Variants in LNPEP observed in about 807,000 individuals in gnomAD.
LNPEP encodes the protein leucyl and cystinyl aminopeptidase.
LNPEP carries 64 observed loss-of-function variants against 120.6 expected under a neutral mutation model. The observed-to-expected ratio is 0.53, with a 90% CI of 0.43 to 0.65. The LOEUF (loss-of-function observed/expected upper bound fraction) is 0.65. Among genes scored for constraint, LNPEP ranks in the 30% least tolerant of loss-of-function variants. LNPEP has a pLI of 0.00. For synonymous variants in LNPEP, 435 were observed against 425.4 expected (o/e 1.02, Z -0.28); for missense variants, 1,057 against 1,200.0 (o/e 0.88, Z 1.76).
rs1271288176 is a variant in LNPEP at position 96,979,860 on chromosome 5, C to G, written c.742C>G (p.Pro248Ala). 6.2e-7 allele frequency: 1 copy of G among 1,613,832 alleles called. No homozygotes were observed. The highest frequency in any genetic ancestry group is 8.5e-7 in the Non-Finnish European group (1 of 1,179,934). The change falls in exon 2 of 18, where the codon CCC becomes GCC. Residue 248 changes from proline (P) to alanine (A), a missense_variant. By Grantham distance (27) the Pro-to-Ala change is conservative (BLOSUM62 -1). Transcript: ENST00000231368. ...AYHGQIAIVA[P>A]EALLAGHNYT... ...TCATGGACAGATCGCCATTGTTGCC[C>G]CCGAAGCCCTTCTAGCAGGGCACAA... is the stretch of plus-strand genomic sequence containing the variant.
Position 97,033,743 on chromosome 5 carries a change from G to C in LNPEP, c.*5210G>C, listed in dbSNP as rs1374793099. ...ATTAGCTTCAGGGATTCTTTGGTGG[G>C]TGTTGGGGTATATACTTTTGTATAT... is the stretch of plus-strand genomic sequence containing the variant. On this transcript the variant is annotated 3_prime_UTR_variant, in exon 18 of 18. Transcript: ENST00000231368. 1 of 152,042 alleles carries C rather than the reference G, an allele frequency of 6.6e-6. No individual in the cohort carries two copies. The highest frequency in any genetic ancestry group is 1.5e-5 in the Non-Finnish European group (1 of 68,006). 9.4% of individuals were successfully genotyped at this position (152,042 alleles called of 1,614,324 possible).
rs11953730 is a variant in LNPEP at position 96,974,289 on chromosome 5, C to T, written c.20-4849C>T. On this transcript the variant is annotated intron_variant, in intron 1 of 17. Coordinates refer to ENST00000231368, the MANE Select transcript of LNPEP (RefSeq NM_005575.3). ...CTCTGGGCAGATGTCTTTGCTTGCA[C>T]TTGTCACAGAGAACATGAAGGCTCT... is the stretch of plus-strand genomic sequence containing the variant. Among the ~76,000 whole-genome samples, 785 of 152,200 alleles carry T rather than the reference C, an allele frequency of 5.2e-3. 6 individuals are homozygous for T. The highest frequency in any genetic ancestry group is 0.018 in the African/African-American group (758 of 41,504).
At position 96,984,347 on chromosome 5, in the gene LNPEP, C is replaced by T. The variant is rs186946294; in HGVS notation, c.861-733C>T. 2.2e-3 allele frequency among the ~76,000 whole-genome samples: 341 copies of T among 152,202 alleles called. 1 individual carries two copies. The highest frequency in any genetic ancestry group is 7.8e-3 in the African/African-American group (326 of 41,536). On this transcript the variant is annotated intron_variant, in intron 2 of 17. Transcript: ENST00000231368. ...CTTCTTTTAATCCATAACTAAGGTC[C>T]GAGTCTTGAAGACCTTCCTCTTGAG...
chr5:96,983,498 T>C (rs1442521178), intron 2 of LNPEP, among the ~76,000 whole-genome samples: 1 of 152,168 alleles, frequency 6.6e-6, no homozygotes, highest in African/African-American at 2.4e-5. Context: ...CAGGTTGGAG[T>C]GCAGTGGTGC....
intron 2 of LNPEP, among the ~76,000 whole-genome samples, chr5:96,984,522 A>G (rs887923290): frequency 1.3e-5 from 2 of 152,150 alleles, no homozygotes; most frequent in African/African-American, 4.8e-5. Flanking sequence ...AGACCCTCCA[A>G]TAAAACTTAT....
rs536479825 is a variant in LNPEP, at chr5:96,954,665, T to C, written c.19+18491T>C. On this transcript the variant is annotated intron_variant, in intron 1 of 17. Coordinates refer to ENST00000231368, the MANE Select transcript of LNPEP (RefSeq NM_005575.3). ...ACATATATACATATATACACATATA[T>C]ACATATATACACATATATACATATA... Among the ~76,000 whole-genome samples, 307 of 113,676 alleles carry C rather than the reference T, an allele frequency of 2.7e-3. 73 individuals carry two copies. The highest frequency in any genetic ancestry group is 9.8e-3 in the African/African-American group (282 of 28,820). 74.6% of individuals were successfully genotyped at this position (113,676 alleles called of 152,430 possible).
chr5:96,953,696 C>G (rs1205593088), intron 1 of LNPEP, among the ~76,000 whole-genome samples: 3 of 152,186 alleles, frequency 2.0e-5, no homozygotes, highest in African/African-American at 7.2e-5. Context: ...GGCTTTTCAT[C>G]TGAAAGTTTT....
intron 1 of LNPEP, among the ~76,000 whole-genome samples, chr5:96,946,140 GT>G (rs890930743): frequency 4.6e-5 from 7 of 152,186 alleles, no homozygotes; most frequent in Non-Finnish European, 8.8e-5. Flanking sequence ...CTTATTAGTA[GT>G]TTCTCTGTTT....
intron 8 of LNPEP, 30 bp downstream of exon 8, chr5:96,998,175 G>A: frequency 6.5e-7 from 1 of 1,550,064 alleles, no homozygotes; most frequent in Non-Finnish European, 8.7e-7. Flanking sequence ...GGTAGCTGGA[G>A]TGGGTTTAAA....
Position 97,036,569 on chromosome 5 carries a change from A to T in LNPEP, c.*8036A>T, listed in dbSNP as rs866397484. The T allele has an allele frequency of 5.9e-5, 9 of 152,268 alleles. No individual in the cohort carries two copies. Among genetic ancestry groups the T allele is most frequent in the African/African-American group, 1.9e-4 (8 of 41,556 alleles). The allele number at this position is 152,268 out of a possible 1,614,324, so 9.4% of individuals were successfully genotyped here. Reference sequence around the variant, plus strand: ...CATTTGTCTGCATCAGGGAAAATGCATGGGCACACATCCTCCCTCCCTCCC... The same window carrying T: ...CATTTGTCTGCATCAGGGAAAATGCTTGGGCACACATCCTCCCTCCCTCCC... On this transcript the variant is annotated 3_prime_UTR_variant, in exon 18 of 18. Transcript: ENST00000231368.
intron 8 of LNPEP, among the ~76,000 whole-genome samples, chr5:97,001,327 A>G (rs1200597858): frequency 6.6e-6 from 1 of 152,170 alleles, no homozygotes; most frequent in Non-Finnish European, 1.5e-5. Flanking sequence ...GGGTCAGGGT[A>G]ACTTTAAGAT....
intron 1 of LNPEP, among the ~76,000 whole-genome samples, chr5:96,967,274 G>A (rs543975766): frequency 6.6e-6 from 1 of 152,108 alleles, no homozygotes; most frequent in South Asian, 2.1e-4. Flanking sequence ...TCAACGTACT[G>A]GATGACAGCT....
In LNPEP at chr5:97,031,942, T is replaced by TA. The variant is rs1454740575; in HGVS notation, c.*3409_*3410insA. The TA allele has an allele frequency of 6.6e-6, 1 of 152,072 alleles. No homozygotes were observed. Among genetic ancestry groups the TA allele is most frequent in the Non-Finnish European group, 1.5e-5 (1 of 68,016 alleles). 9.4% of individuals were successfully genotyped at this position (152,072 alleles called of 1,614,324 possible). Reference sequence around the variant, plus strand: ...TTGATTTTGTTGGATTACTGACAGTTTGTTGAGATGGATTTTAAAAAGAGT... The same window carrying TA: ...TTGATTTTGTTGGATTACTGACAGTTATGTTGAGATGGATTTTAAAAAGAGT... On this transcript the variant is annotated 3_prime_UTR_variant, in exon 18 of 18. Transcript: ENST00000231368.
chr5:96,959,001 T>A (rs374826276), intron 1 of LNPEP, among the ~76,000 whole-genome samples: 1 of 152,080 alleles, frequency 6.6e-6, no homozygotes, highest in East Asian at 1.9e-4. Flanking sequence ...AATTTTTGTA[T>A]TTTTAATAGA....
intron 1 of LNPEP, among the ~76,000 whole-genome samples, chr5:96,944,044 T>C (rs1335831338): frequency 1.3e-5 from 2 of 152,120 alleles, no homozygotes; most frequent in African/African-American, 4.8e-5. Flanking sequence ...TTGGGTGTGC[T>C]CCCTTCCTCT....
At chr5:96,957,122 G>A (rs533675366) in intron 1 of LNPEP, among the ~76,000 whole-genome samples, 13 of 152,130 alleles carry the variant, frequency 8.5e-5, no homozygotes, top group Admixed American at 3.3e-4. Flanking sequence ...TGGTGATTGC[G>A]TTTTCCATTG....
At chr5:96,991,538 A>G (rs1440728761) in intron 4 of LNPEP, among the ~76,000 whole-genome samples, 4 of 151,860 alleles carry the variant, frequency 2.6e-5, no homozygotes, top group African/African-American at 9.7e-5. Flanking sequence ...TGTGGTTTTG[A>G]TTTGCATTTT....
intron 13 of LNPEP, among the ~76,000 whole-genome samples, 194 bp downstream of exon 13, chr5:97,015,289 G>A (rs1291924891): frequency 6.6e-6 from 1 of 152,018 alleles, no homozygotes; most frequent in Non-Finnish European, 1.5e-5. Context: ...AGTATGATAT[G>A]GTCTTGTTTG....
chr5:96,939,429 A>T (rs1474819585), intron 1 of LNPEP, among the ~76,000 whole-genome samples: 1 of 151,732 alleles, frequency 6.6e-6, no homozygotes, highest in Non-Finnish European at 1.5e-5. Flanking sequence ...GGCCAGGTGA[A>T]CTCCTGACCT....
Sources: gnomAD v4.1 joint callset for allele counts (sites outside exome capture counted in the v4.1 genomes callset) on GRCh38, gnomAD v4.1.1 for gene constraint, MANE v1.5 for transcripts, NCBI Gene and HGNC (gene_info 2026-07-23, HGNC 2026-07-21) for gene names.